DNAH12: variants seen among roughly 807,000 people sequenced by gnomAD.
DNAH12 encodes the protein dynein axonemal heavy chain 12, also known as axonemal beta dynein heavy chain 12.
Under a neutral mutation model 371.5 loss-of-function variants are expected in DNAH12, and 285 were observed. The ratio of observed to expected loss-of-function variants is 0.77; its 90% CI spans 0.70 to 0.85. The LOEUF is 0.85. Ranked by LOEUF, DNAH12 falls within the 40% of genes least tolerant of loss-of-function variation. The pLI is 0.00. For missense variants in DNAH12, 3,611 were observed against 3,689.4 expected (o/e 0.98, Z 0.55); for synonymous variants, 1,200 against 1,213.0 (o/e 0.99, Z 0.22).
At chr3:57,444,407 G>T (rs2065409015) in intron 29 of DNAH12, among the ~76,000 whole-genome samples, 1 of 152,004 alleles carries the variant, frequency 6.6e-6, no homozygotes, top group South Asian at 2.1e-4. Flanking sequence ...GGCCAGGTTG[G>T]TCTCAAACTC....
At position 57,446,448 on chromosome 3, in the gene DNAH12, G is replaced by C. The variant is rs111751544; in HGVS notation, c.3939+89C>G. 1.2e-5 allele frequency: 17 copies of C among 1,444,962 alleles called. No individual in the cohort carries two copies. In the African/African-American group the frequency reaches 1.9e-4, roughly 16 times the overall value. 89.5% of individuals were successfully genotyped at this position (1,444,962 alleles called of 1,614,324 possible). On this transcript the variant is annotated intron_variant, in intron 26 of 73. Transcript: ENST00000495027. ...CAAGTAATATTCAAACCACATTCAT[G>C]TTTAAACATGAGTTTGCTTCCATTT...
intron 2 of DNAH12, among the ~76,000 whole-genome samples, chr3:57,531,778 A>G (rs2068858466): frequency 6.6e-6 from 1 of 151,304 alleles, no homozygotes; most frequent in African/African-American, 2.4e-5. Flanking sequence ...AAAAAAAAAA[A>G]AAAAAAAAAA....
Position 57,408,349 on chromosome 3 carries a change from G to A in DNAH12, c.6207C>T (p.Tyr2069=), listed in dbSNP as rs373200545. Residue 2069 remains tyrosine (Y), a synonymous_variant, in exon 40 of 74, where the codon TAC becomes TAT. Transcript: ENST00000495027. Reference sequence around the variant, plus strand: ...CTGGAGGAAATTCATGAGTTCTAAGGTAGAATGCTACAATAGATGAGAAGA... The same window carrying A: ...CTGGAGGAAATTCATGAGTTCTAAGATAGAATGCTACAATAGATGAGAAGA... ...VRIFSSIVAF[Y]LRTHEFPPEY... is the part of the protein sequence containing the mutation. 9.0e-6 allele frequency: 14 copies of A among 1,551,408 alleles called. No individual in the cohort carries two copies. In the African/African-American group the frequency reaches 1.9e-4, roughly 21 times the overall value.
chr3:57,457,860 T>C lies in DNAH12; in HGVS notation c.3197A>G (p.Tyr1066Cys), dbSNP rs764405113. 8.4e-6 allele frequency: 13 copies of C among 1,551,630 alleles called. No individual in the cohort carries two copies. The East Asian group carries it at 1.7e-4, about 20-fold the overall frequency. ...FLPNLDIKAM[Y>C]SSEGERVELI... ...CTCCACTCGCTCGCCCTCAGAGCTA[T>C]ACATGGCTTTAATGTCCAAATTGGG... Residue 1066 changes from tyrosine to cysteine, a missense_variant, in exon 22 of 74, where the codon TAT (tyrosine) becomes TGT (cysteine). By Grantham distance (194) the Tyr-to-Cys change is radical. This residue lies in a region of DNAH12 where 1,314 missense variants were observed against 1,398.7 expected (regional missense o/e 0.94). Coordinates refer to ENST00000495027, the MANE Select transcript of DNAH12 (RefSeq NM_001366028.2).
chr3:57,325,833 A>G (rs1205354436), intron 62 of DNAH12, among the ~76,000 whole-genome samples: 2 of 152,202 alleles, frequency 1.3e-5, no homozygotes, highest in African/African-American at 2.4e-5. Flanking sequence ...AAATTTAGAC[A>G]AATGTATAAT....
chr3:57,363,937 GAGA>G (rs1277516456), intron 57 of DNAH12, among the ~76,000 whole-genome samples, 151 bp from the exon 58 acceptor site: 2 of 152,200 alleles, frequency 1.3e-5, no homozygotes, highest in East Asian at 3.9e-4. Context: ...ATAACTATTT[GAGA>G]AGTTCAAGCA....
intron 24 of DNAH12, 70 bp downstream of exon 24, chr3:57,453,177 A>G: frequency 6.1e-6 from 9 of 1,482,576 alleles, no homozygotes; most frequent in Non-Finnish European, 8.0e-6. Flanking sequence ...AAGAATACAT[A>G]TAGTACAAGT....
chr3:57,399,478 T>C (rs2063811852), intron 43 of DNAH12, among the ~76,000 whole-genome samples: 1 of 152,164 alleles, frequency 6.6e-6, no homozygotes. Context: ...TGGAAAAAGA[T>C]ATACCAGCCA....
Position 57,400,965 on chromosome 3 carries a change from C to T in DNAH12, c.6948+2344G>A, listed in dbSNP as rs1028018986. Among the ~76,000 whole-genome samples the T allele has an allele frequency of 1.9e-3, 288 of 152,166 alleles. 4 individuals carry two copies. The highest frequency in any genetic ancestry group is 6.6e-3 in the African/African-American group (272 of 41,510). Reference sequence around the variant, plus strand: ...CTCTAGGATAGACCACATTAGGCCACAAAACAAGTCTTAACAAATTTTAAA... The same window carrying T: ...CTCTAGGATAGACCACATTAGGCCATAAAACAAGTCTTAACAAATTTTAAA... On this transcript the variant is annotated intron_variant, in intron 43 of 73. Coordinates refer to ENST00000495027, the MANE Select transcript of DNAH12 (RefSeq NM_001366028.2).
At chr3:57,452,071 T>C (rs2065775257) in intron 25 of DNAH12, among the ~76,000 whole-genome samples, 1 of 152,144 alleles carries the variant, frequency 6.6e-6, no homozygotes. Flanking sequence ...AAACCCTGCC[T>C]CAGTCTCTTT....
At chr3:57,425,341 G>C (rs2064732663) in intron 34 of DNAH12, among the ~76,000 whole-genome samples, 200 bp from the exon 35 acceptor site, 1 of 151,838 alleles carries the variant, frequency 6.6e-6, no homozygotes, top group Non-Finnish European at 1.5e-5. Context: ...TCCAACTCCT[G>C]GGCTTAAGGG....
At chr3:57,446,419 A>C (rs1397230480) in intron 26 of DNAH12, 118 bp downstream of exon 26, 3 of 1,425,360 alleles carry the variant, frequency 2.1e-6, no homozygotes, top group Non-Finnish European at 1.9e-6. Flanking sequence ...CTAAAATGAA[A>C]GTCCAAGTAA....
the DNAH12 span, among the ~76,000 whole-genome samples, chr3:57,551,573 A>G: frequency 6.4e-4 from 97 of 152,228 alleles, no homozygotes; most frequent in Middle Eastern, 0.01. Flanking sequence ...CCCGGCCACA[A>G]AATTATTTCT....
intron 30 of DNAH12, among the ~76,000 whole-genome samples, chr3:57,435,373 C>CCAAAA (rs1553691248): frequency 3.7e-4 from 35 of 94,748 alleles, no homozygotes; most frequent in Non-Finnish European, 5.2e-4. Flanking sequence ...CTCTGTCTCC[C>CCAAAA]AAAAAAAAAA....
chr3:57,366,363 T>A (rs1172026246), intron 57 of DNAH12, among the ~76,000 whole-genome samples: 1 of 152,196 alleles, frequency 6.6e-6, no homozygotes, highest in Admixed American at 6.6e-5. Flanking sequence ...GGGGCTGCTC[T>A]ATGGAGCAGC....
chr3:57,466,068 T>TCACA (rs10616496), intron 17 of DNAH12, among the ~76,000 whole-genome samples: 2 of 149,626 alleles, frequency 1.3e-5, no homozygotes, highest in African/African-American at 2.5e-5. Context: ...CACATGCAAT[T>TCACA]CACACACACA....
intron 59 of DNAH12, 139 bp from the exon 60 acceptor site, chr3:57,352,364 A>C: frequency 5.6e-6 from 5 of 899,158 alleles, no homozygotes; most frequent in South Asian, 3.9e-5. Context: ...AGGGCATGTA[A>C]AACTGGTGAA....
chr3:57,491,436 T>C (rs1434995676), intron 11 of DNAH12, among the ~76,000 whole-genome samples: 9 of 152,192 alleles, frequency 5.9e-5, no homozygotes, highest in African/African-American at 2.2e-4. Context: ...TACCTATCGG[T>C]CTATACATAT....
intron 59 of DNAH12, among the ~76,000 whole-genome samples, chr3:57,356,861 G>T (rs2153325164): frequency 6.6e-6 from 1 of 152,074 alleles, no homozygotes; most frequent in South Asian, 2.1e-4. Flanking sequence ...TCCTGCCTCA[G>T]CCTCCTGAGT....
Sources: allele counts gnomAD v4.1 joint callset (sites outside exome capture counted in the v4.1 genomes callset), GRCh38; gene constraint gnomAD v4.1.1; regional missense constraint gnomAD v4.1.1; transcripts MANE v1.5; gene names NCBI Gene and HGNC (gene_info 2026-07-23, HGNC 2026-07-21).